The following PRSS27 variants were observed in gnomAD, a reference collection of about 807,000 sequenced individuals.
PRSS27 encodes channel-activating protease 2.
PRSS27 carries 25 observed loss-of-function variants against 32.0 expected under a neutral mutation model. The observed-to-expected ratio is 0.78, with a 90% CI of 0.57 to 1.09. The LOEUF is 1.09. Among genes scored for constraint, PRSS27 ranks in the 50% least tolerant of loss-of-function variants. The pLI, the probability that PRSS27 is intolerant of heterozygous loss-of-function variation, is 0.00. For missense variants in PRSS27, 401 were observed against 394.9 expected (o/e 1.02, Z -0.13); for synonymous variants, 178 against 172.2 (o/e 1.03, Z -0.26).
intron 3 of PRSS27, chr16:2,715,128 AG>A (rs2067693019): frequency 2.0e-5 from 3 of 151,594 alleles, no homozygotes; most frequent in African/African-American, 7.3e-5. Context: ...AAGATCAAGA[AG>A]AAAAAAAAGA....
chr16:2,716,376 C>T lies in PRSS27; in HGVS notation c.73+124G>A, dbSNP rs556001720. 6 of 904,214 alleles carry T rather than the reference C, an allele frequency of 6.6e-6. No individual in the cohort carries two copies. The South Asian group carries it at 7.2e-5, about 11-fold the overall frequency. 56.0% of individuals were successfully genotyped at this position (904,214 alleles called of 1,614,324 possible). On this transcript the variant is annotated intron_variant, in intron 2 of 5. Transcript: ENST00000302641. ...TCTGGGCTCCAGTTCCACACAGCCC[C>T]CACTTTCCCCTCCTCTGGAATTCCC...
intron 1 of PRSS27, among the ~76,000 whole-genome samples, chr16:2,718,876 G>A (rs1207810086): frequency 6.6e-6 from 1 of 152,154 alleles, no homozygotes; most frequent in Non-Finnish European, 1.5e-5. Context: ...TGGCTGTGGG[G>A]GCTGATGGGA....
chr16:2,713,444 T>C, intron 5 of PRSS27, 85 bp downstream of exon 5: 3 of 1,372,150 alleles, frequency 2.2e-6, no homozygotes, highest in South Asian at 2.3e-5. Flanking sequence ...GTTGAATGCA[T>C]AGCCCATGGA....
chr16:2,713,963 T>C, intron 4 of PRSS27, 102 bp downstream of exon 4: 1 of 1,281,416 alleles, frequency 7.8e-7, no homozygotes, highest in Non-Finnish European at 1.1e-6. Flanking sequence ...TGTGTATGTA[T>C]TAATATAGCA....
intron 2 of PRSS27, 146 bp downstream of exon 2, chr16:2,716,353 TG>T (rs945663997): frequency 5.5e-5 from 41 of 751,506 alleles, no homozygotes; most frequent in Non-Finnish European, 2.9e-5. Context: ...CTCTCCTTTC[TG>T]GGCTCCAGTT....
At position 2,712,511 on chromosome 16, in the gene PRSS27, C is replaced by A; in HGVS notation, c.*109G>T. On this transcript the variant is annotated 3_prime_UTR_variant, in exon 6 of 6. Transcript: ENST00000302641. This position sits in a 1 kb window ranked among gnomAD's most constrained non-coding sequence, Gnocchi z 4.6. ...GAAGGAGCGCTATTTACAAATGAGT[C>A]TGGTGGGGCTCACAGGTGCAACAGC... 1.1e-6 allele frequency: 1 copy of A among 872,612 alleles called. No individual in the cohort carries two copies. The highest frequency in any genetic ancestry group is 1.8e-6 in the Non-Finnish European group (1 of 571,218). The allele number at this position is 872,612 out of a possible 1,614,324, so 54.1% of individuals were successfully genotyped here. A position where few individuals can be genotyped will look rare whatever the true frequency, so the allele number is the denominator to read the frequency against.
At position 2,713,652 on chromosome 16, in the gene PRSS27, G is replaced by A. The variant is rs753977954; in HGVS notation, c.555C>T (p.Ile185=). ...PRILQKLAVP[I]IDTPKCNLLY... is the part of the protein sequence containing the mutation. ...GCAGGTTGCACTTGGGTGTGTCGAT[G>A]ATGGGCACAGCGAGTTTCTGCAGGA... is the stretch of plus-strand genomic sequence containing the variant. Residue 185 remains isoleucine (I), a synonymous_variant, in exon 5 of 6, where the codon ATC becomes ATT. Coordinates refer to ENST00000302641, the MANE Select transcript of PRSS27 (RefSeq NM_031948.5). 10 of 1,614,242 alleles carry A rather than the reference G, an allele frequency of 6.2e-6. No homozygotes were observed. The highest frequency in any genetic ancestry group is 7.6e-6 in the Non-Finnish European group (9 of 1,180,038).
Position 2,720,022 on chromosome 16 carries a change from C to T in PRSS27, c.46+93G>A, listed in dbSNP as rs1031634569. The T allele has an allele frequency of 2.0e-5, 24 of 1,212,620 alleles. 1 individual carries two copies. In the South Asian group the frequency reaches 3.2e-4, roughly 16 times the overall value. 75.1% of individuals were successfully genotyped at this position (1,212,620 alleles called of 1,614,324 possible). ...GCCTGTCCCACAGCCCCAGCCTGTC[C>T]CAGGGAGTAGGGGGCTGAGCCGGAG... On this transcript the variant is annotated intron_variant, in intron 1 of 5. Coordinates refer to ENST00000302641, the MANE Select transcript of PRSS27 (RefSeq NM_031948.5).
intron 1 of PRSS27, chr16:2,718,387 A>G (rs548795153): frequency 1.4e-5 from 2 of 146,108 alleles, no homozygotes; most frequent in East Asian, 4.0e-4. Flanking sequence ...GCGCGATCTC[A>G]GCTCACTGCA....
At chr16:2,716,476 C>A in intron 2 of PRSS27, 24 bp downstream of exon 2, 1 of 1,601,248 alleles carries the variant, frequency 6.2e-7, no homozygotes, top group Non-Finnish European at 8.5e-7. Flanking sequence ...CTGTCCCTCC[C>A]ACCCCAGGGC....
At chr16:2,713,387 C>T (rs548230170) in intron 5 of PRSS27, 142 bp downstream of exon 5, 49 of 904,310 alleles carry the variant, frequency 5.4e-5, no homozygotes, top group East Asian at 1.5e-4. Flanking sequence ...CGTGAGCCAC[C>T]ACACCCGGCC....
At chr16:2,715,691 G>C (rs2067696814) in intron 3 of PRSS27, 27 bp downstream of exon 3, 1 of 1,545,064 alleles carries the variant, frequency 6.5e-7, no homozygotes, top group Non-Finnish European at 8.7e-7. Context: ...CAGCGCTATG[G>C]GCGGGGGCAG....
chr16:2,713,609 C>T lies in PRSS27; in HGVS notation c.598G>A (p.Glu200Lys), dbSNP rs139505053. ...ATGGTTTTGGGTTGGTAGCCAAACT[C>T]GGTGTCTTTGCTGTAGAGCAGGTTG... ...KCNLLYSKDT[E>K]FGYQPKTIKN... Residue 200 changes from glutamate to lysine, a missense_variant, in exon 5 of 6, where the codon GAG becomes AAG. Physicochemically the swap from Glu to Lys is moderately conservative, Grantham distance 56. Transcript: ENST00000302641. 67 of 1,614,216 alleles carry T rather than the reference C, an allele frequency of 4.2e-5. No homozygotes were observed. In the African/African-American group the frequency reaches 5.9e-4, roughly 14 times the overall value.
intron 1 of PRSS27, among the ~76,000 whole-genome samples, chr16:2,718,694 T>C (rs2067717259): frequency 6.6e-6 from 1 of 152,098 alleles, no homozygotes; most frequent in South Asian, 2.1e-4. Context: ...CTTGCTTGCA[T>C]TGTCTACCTT....
chr16:2,716,813 A>G, intron 1 of PRSS27: 1 of 510,486 alleles, frequency 2.0e-6, no homozygotes, highest in South Asian at 2.8e-5. Context: ...TCCCCAGGCT[A>G]GATGTCCCCT....
At position 2,713,010 on chromosome 16, in the gene PRSS27, T is replaced by C. The variant is rs559787921; in HGVS notation, c.679-196A>G. The C allele has an allele frequency of 3.5e-4, 196 of 557,780 alleles. 1 individual carries two copies. The Middle Eastern group carries it at 4.7e-3, about 13-fold the overall frequency. 34.6% of individuals were successfully genotyped at this position (557,780 alleles called of 1,614,324 possible). A position where few individuals can be genotyped will look rare whatever the true frequency, so the allele number is the denominator to read the frequency against. ...TAGTGTCCCCAGATCAACTAGGGTG[T>C]GTGTGTGTGTTGAAAATGCAGTTTC... On this transcript the variant is annotated intron_variant, in intron 5 of 5. Transcript: ENST00000302641.
rs1315155253 is a variant in PRSS27, at chr16:2,720,186, G to T, written c.-26C>A. 3.2e-6 allele frequency: 5 copies of T among 1,570,590 alleles called. No individual in the cohort carries two copies. Among genetic ancestry groups the T allele is most frequent in the Non-Finnish European group, 4.3e-6 (5 of 1,157,838 alleles). On this transcript the variant is annotated 5_prime_UTR_variant, in exon 1 of 6. Coordinates refer to ENST00000302641, the MANE Select transcript of PRSS27 (RefSeq NM_031948.5). ...GTCCTCAGGCCTGGCTGGGGCGCAG[G>T]GCCGTGGTCGGCGGTGGCAGAAGCG... is the stretch of plus-strand genomic sequence containing the variant.
intron 4 of PRSS27, 68 bp downstream of exon 4, chr16:2,713,995 AGT>A (rs2067683507): frequency 2.7e-6 from 4 of 1,476,616 alleles, no homozygotes; most frequent in Non-Finnish European, 3.7e-6. Flanking sequence ...GTGGGTTCAG[AGT>A]GGTCCCCAAG....
chr16:2,714,217 G>A lies in PRSS27; in HGVS notation c.356C>T (p.Thr119Met), dbSNP rs372721406. ...CAGGGCCACGTCAGCGCTGGAGGCC[G>A]TGCCCTGGTACAGGGGGTTGCTCTC... ...QVESNPLYQG[T>M]ASSADVALVE... The change falls in exon 4 of 6, where the codon ACG becomes ATG. Residue 119 changes from threonine to methionine, a missense_variant. Physicochemically the swap from Thr to Met is moderately conservative, Grantham distance 81. Transcript: ENST00000302641. The surrounding 1 kb of genome is among the most constrained non-coding windows in gnomAD (Gnocchi z 4.7). The A allele has an allele frequency of 3.7e-5, 60 of 1,613,856 alleles. No individual in the cohort carries two copies. Among genetic ancestry groups the A allele is most frequent in the Middle Eastern group, 1.6e-4 (1 of 6,062 alleles).
Sources: allele counts gnomAD v4.1 joint callset (sites outside exome capture counted in the v4.1 genomes callset), GRCh38; gene constraint gnomAD v4.1.1; non-coding constraint Gnocchi (gnomAD v3.1); transcripts MANE v1.5; gene names NCBI Gene and HGNC (gene_info 2026-07-23, HGNC 2026-07-21).